NUDCD3: variants seen among roughly 807,000 people sequenced by gnomAD.
The protein encoded by NUDCD3 is NudC domain containing 3.
A neutral mutation model predicts 39.7 loss-of-function variants in NUDCD3; 13 were observed. The observed-to-expected ratio is 0.33, with a 90% CI of 0.21 to 0.52. The LOEUF (loss-of-function observed/expected upper bound fraction) is 0.52, where lower values mean the gene tolerates loss of function less well. Among genes scored for constraint, NUDCD3 ranks in the 20% least tolerant of loss-of-function variants. NUDCD3 has a pLI of 0.96. For synonymous variants in NUDCD3, 175 were observed against 172.4 expected, an observed-to-expected ratio of 1.02 and a Z score of -0.12; for missense variants, 453 against 458.1, an observed-to-expected ratio of 0.99 and a Z score of 0.10.
chr7:44,485,540 G>A, intron 1 of NUDCD3: 1 of 424,582 alleles, frequency 2.4e-6, no homozygotes, highest in East Asian at 4.0e-5. Flanking sequence ...CCTAAAAGAT[G>A]TACAGTTAGA....
intron 3 of NUDCD3, among the ~76,000 whole-genome samples, chr7:44,415,222 C>G (rs1426953855): frequency 2.6e-5 from 4 of 152,306 alleles, no homozygotes; most frequent in Admixed American, 2.6e-4. Context: ...CATTCCAATT[C>G]TGTGATTCAA....
intron 3 of NUDCD3, among the ~76,000 whole-genome samples, chr7:44,422,546 A>G (rs1408956385): frequency 6.6e-6 from 1 of 152,248 alleles, no homozygotes; most frequent in African/African-American, 2.4e-5. Context: ...GAAGAAATGG[A>G]TAAATTCCCA....
rs1297147082 is a variant in NUDCD3 at position 44,385,244 on chromosome 7, G to A, written c.*767C>T. 2 of 152,176 alleles carry A rather than the reference G, an allele frequency of 1.3e-5. No homozygotes were observed. Among genetic ancestry groups the A allele is most frequent in the African/African-American group, 4.8e-5 (2 of 41,398 alleles). The allele number at this position is 152,176 out of a possible 1,614,324, so 9.4% of individuals were successfully genotyped here. ...GCACCCAAAGAGGACGTCTTATGGG[G>A]AGCCAAGCACAGCATGCCATGCGTG... On this transcript the variant is annotated 3_prime_UTR_variant, in exon 6 of 6. Transcript: ENST00000355451.
rs184645088 is a variant in NUDCD3, at chr7:44,480,744, C to A, written c.509+4224G>T. Among the ~76,000 whole-genome samples, 10 of 152,074 alleles carry A rather than the reference C, an allele frequency of 6.6e-5. No homozygotes were observed. The East Asian group carries it at 1.9e-3, about 29-fold the overall frequency. ...ATCACTTGAGCTCACCAGTTCGACA[C>A]CAGCCTGGGCAACATGGTAAGACCC... On this transcript the variant is annotated intron_variant, in intron 2 of 5. Transcript: ENST00000355451.
intron 2 of NUDCD3, among the ~76,000 whole-genome samples, chr7:44,464,111 G>A (rs1039006868): frequency 2.0e-5 from 3 of 151,794 alleles, no homozygotes; most frequent in African/African-American, 7.3e-5. Context: ...CTACTTGGGA[G>A]GCTGAGACAG....
At chr7:44,412,724 G>T (rs188214232) in intron 3 of NUDCD3, among the ~76,000 whole-genome samples, 3 of 151,926 alleles carry the variant, frequency 2.0e-5, no homozygotes, top group Admixed American at 2.0e-4. Flanking sequence ...TCAGGAGATC[G>T]AGGCCATCCT....
chr7:44,486,550 G>T (rs1800614458), intron 1 of NUDCD3, among the ~76,000 whole-genome samples: 1 of 152,004 alleles, frequency 6.6e-6, no homozygotes. Flanking sequence ...AATCCTAAAA[G>T]GTTAAAAACT....
At chr7:44,454,772 A>C (rs116081523) in intron 2 of NUDCD3, among the ~76,000 whole-genome samples, 1 of 151,730 alleles carries the variant, frequency 6.6e-6, no homozygotes, top group Non-Finnish European at 1.5e-5. Context: ...ACCAAAAAAA[A>C]TTTTTTTTTA....
At chr7:44,420,502 C>T (rs1407916814) in intron 3 of NUDCD3, among the ~76,000 whole-genome samples, 1 of 152,052 alleles carries the variant, frequency 6.6e-6, no homozygotes, top group Non-Finnish European at 1.5e-5. Context: ...ATAGAGAACA[C>T]CACGAAGATA....
chr7:44,432,100 T>C (rs944082005), intron 2 of NUDCD3, among the ~76,000 whole-genome samples: 2 of 152,146 alleles, frequency 1.3e-5, no homozygotes, highest in African/African-American at 4.8e-5. Flanking sequence ...CTGGGCAACG[T>C]AGGAAGACCC....
At chr7:44,416,573 GAA>G (rs1799028150) in intron 3 of NUDCD3, among the ~76,000 whole-genome samples, 1 of 151,978 alleles carries the variant, frequency 6.6e-6, no homozygotes, top group South Asian at 2.1e-4. Context: ...TATTGAAGGA[GAA>G]AAAAGTTTTT....
At chr7:44,414,133 C>T (rs990744816) in intron 3 of NUDCD3, among the ~76,000 whole-genome samples, 11 of 151,656 alleles carry the variant, frequency 7.3e-5, no homozygotes, top group African/African-American at 1.9e-4. Flanking sequence ...AATGCATATA[C>T]GCAAAATGAA....
chr7:44,443,536 C>T (rs999865109), intron 2 of NUDCD3, among the ~76,000 whole-genome samples: 2 of 152,116 alleles, frequency 1.3e-5, no homozygotes, highest in Non-Finnish European at 2.9e-5. Context: ...TCAGTCTCCT[C>T]AATAGCTGGG....
chr7:44,466,295 A>C (rs1359589869), intron 2 of NUDCD3, among the ~76,000 whole-genome samples: 2 of 152,088 alleles, frequency 1.3e-5, no homozygotes. Flanking sequence ...CTGCCAACCC[A>C]CTCGGGCAAG....
At position 44,380,880 on chromosome 7, in the gene NUDCD3, A is replaced by C. The variant is rs998510480; in HGVS notation, c.*5131T>G. On this transcript the variant is annotated 3_prime_UTR_variant, in exon 6 of 6. Transcript: ENST00000355451. The stretch of plus-strand genomic sequence containing the variant: ...AACAACACTTCCTGTCCTCTGGTAG[A>C]CCCTTACCTGCCTGTGTCTTGCACA... The C allele has an allele frequency of 6.6e-6, 1 of 152,230 alleles. No individual in the cohort carries two copies. The highest frequency in any genetic ancestry group is 2.4e-5 in the African/African-American group (1 of 41,434). The allele number at this position is 152,230 out of a possible 1,614,324, so 9.4% of individuals were successfully genotyped here. A position where few individuals can be genotyped will look rare whatever the true frequency, so the allele number is the denominator to read the frequency against.
At chr7:44,470,229 TC>T (rs1800226552) in intron 2 of NUDCD3, among the ~76,000 whole-genome samples, 1 of 152,096 alleles carries the variant, frequency 6.6e-6, no homozygotes, top group Admixed American at 6.5e-5. Flanking sequence ...AATATGCTAG[TC>T]TTTGGTTAGC....
intron 4 of NUDCD3, among the ~76,000 whole-genome samples, chr7:44,401,413 A>G (rs143355043): frequency 7.2e-5 from 11 of 152,346 alleles, no homozygotes; most frequent in African/African-American, 2.6e-4. Context: ...AGTTTCTGTG[A>G]TATACTCTGT....
intron 3 of NUDCD3, among the ~76,000 whole-genome samples, chr7:44,421,374 TAA>T (rs1363638361): frequency 7.5e-6 from 1 of 133,644 alleles, no homozygotes; most frequent in Non-Finnish European, 1.6e-5. Flanking sequence ...GCAAATTGCA[TAA>T]AGAGTCAAAA....
intron 2 of NUDCD3, among the ~76,000 whole-genome samples, chr7:44,456,059 CA>C (rs376820798): frequency 0.13 from 15,371 of 119,616 alleles, 1,414 homozygotes; most frequent in Non-Finnish European, 0.2. Context: ...AACAAAAAAA[CA>C]AACAACAATA....
Sources: allele counts gnomAD v4.1 joint callset (sites outside exome capture counted in the v4.1 genomes callset), GRCh38; gene constraint gnomAD v4.1.1; transcripts MANE v1.5; gene names NCBI Gene and HGNC (gene_info 2026-07-23, HGNC 2026-07-21).